The following STRBP variants were observed in gnomAD, a reference collection of about 807,000 sequenced individuals.
STRBP encodes spermatid perinuclear RNA-binding protein.
A neutral mutation model predicts 80.1 loss-of-function variants in STRBP; 13 were observed. The ratio of observed to expected loss-of-function variants is 0.16; its 90% CI spans 0.11 to 0.26. The LOEUF is 0.26. Among genes scored for constraint, STRBP ranks in the 10% least tolerant of loss-of-function variants. The pLI, the probability that STRBP is intolerant of heterozygous loss-of-function variation, is 1.00. For synonymous variants in STRBP, 284 were observed against 291.2 expected, an observed-to-expected ratio of 0.98 and a Z score of 0.25; for missense variants, 485 against 815.2, an observed-to-expected ratio of 0.59 and a Z score of 4.93.
At position 123,122,326 on chromosome 9, in the gene STRBP, C is replaced by T; in HGVS notation, c.*3271G>A. The T allele has an allele frequency of 1.6e-6, 2 of 1,288,590 alleles. No individual in the cohort carries two copies. The highest frequency in any genetic ancestry group is 2.0e-6 in the Non-Finnish European group (2 of 988,646). 79.8% of individuals were successfully genotyped at this position (1,288,590 alleles called of 1,614,324 possible). ...GCTGAAAACTGCTTAAAAGTATTAA[C>T]CTGAAATACACAGAGGGTCCAACAC... On this transcript the variant is annotated 3_prime_UTR_variant, in exon 19 of 19. Transcript: ENST00000348403.
rs540197215 is a variant in STRBP, at chr9:123,203,233, C to A, written c.-164-18935G>T. The stretch of plus-strand genomic sequence containing the variant: ...TGGTGGCGTGTGCCTTCAGTCCTAA[C>A]TACTTGGGAGGCTGAGGCAGGAGGA... On this transcript the variant is annotated intron_variant, in intron 2 of 18. Coordinates refer to ENST00000348403, the MANE Select transcript of STRBP (RefSeq NM_018387.5). Among the ~76,000 whole-genome samples, 4 of 152,104 alleles carry A rather than the reference C, an allele frequency of 2.6e-5. No homozygotes were observed. In the East Asian group the frequency reaches 5.8e-4, roughly 22 times the overall value.
In STRBP at chr9:123,124,242, A is replaced by G. The variant is rs111375205; in HGVS notation, c.*1355T>C. The G allele has an allele frequency of 8.1e-6, 8 of 985,296 alleles. No individual in the cohort carries two copies. In the African/African-American group the frequency reaches 1.0e-4, roughly 13 times the overall value. 61.0% of individuals were successfully genotyped at this position (985,296 alleles called of 1,614,324 possible). A position where few individuals can be genotyped will look rare whatever the true frequency, so the allele number is the denominator to read the frequency against. On this transcript the variant is annotated 3_prime_UTR_variant, in exon 19 of 19. Coordinates refer to ENST00000348403, the MANE Select transcript of STRBP (RefSeq NM_018387.5). ...AAATGAAAGCTAATTCATACTAAAA[A>G]CAGACATTTTTAAGACATGGTGCCT... is the stretch of plus-strand genomic sequence containing the variant.
intron 2 of STRBP, among the ~76,000 whole-genome samples, chr9:123,189,117 T>C (rs2038818764): frequency 6.6e-6 from 1 of 152,052 alleles, no homozygotes; most frequent in Non-Finnish European, 1.5e-5. Flanking sequence ...CACCATGGAA[T>C]ACTATGCAGC....
intron 1 of STRBP, among the ~76,000 whole-genome samples, chr9:123,239,384 A>C (rs771262196): frequency 6.6e-6 from 1 of 152,082 alleles, no homozygotes; most frequent in Non-Finnish European, 1.5e-5. Context: ...CAAAAACAAA[A>C]AAAAAAATGG....
Position 123,159,118 on chromosome 9 carries a change from C to G in STRBP, c.813G>C (p.Leu271Phe). The G allele has an allele frequency of 6.2e-7, 1 of 1,613,422 alleles. No individual in the cohort carries two copies. Among genetic ancestry groups the G allele is most frequent in the South Asian group, 1.1e-5 (1 of 91,058 alleles). Reference protein sequence around the residue: ...GEALRRVMECLASGILLPGGP... With the variant: ...GEALRRVMECFASGILLPGGP... ...TACCAGGAAGTAGTATTCCAGATGCCAAACACTCCATTACTCGTCTCAAGG... is the reference window on the plus strand; with the variant it reads ...TACCAGGAAGTAGTATTCCAGATGCGAAACACTCCATTACTCGTCTCAAGG... The change falls in exon 9 of 19, where the codon TTG becomes TTC. Residue 271 changes from leucine to phenylalanine, a missense_variant. This residue lies in a region of STRBP where 377 missense variants were observed against 616.1 expected (regional missense o/e 0.61). Coordinates refer to ENST00000348403, the MANE Select transcript of STRBP (RefSeq NM_018387.5).
chr9:123,122,301 G>T lies in STRBP; in HGVS notation c.*3296C>A. The T allele has an allele frequency of 7.8e-7, 1 of 1,283,626 alleles. No homozygotes were observed. The highest frequency in any genetic ancestry group is 1.2e-5 in the South Asian group (1 of 80,850). 79.5% of individuals were successfully genotyped at this position (1,283,626 alleles called of 1,614,324 possible). On this transcript the variant is annotated 3_prime_UTR_variant, in exon 19 of 19. Coordinates refer to ENST00000348403, the MANE Select transcript of STRBP (RefSeq NM_018387.5). ...AACGAGAATAAAGTGAGATAAACGT[G>T]CTGAAAACTGCTTAAAAGTATTAAC...
Position 123,115,414 on chromosome 9 carries a change from G to T in STRBP, c.*84+515C>A, listed in dbSNP as rs1361047380. Reference sequence around the variant, plus strand: ...GGAGGATCCCTAGCAGGGAGGGGGAGACCCACTGAAGCCTTTCTCCCTGCA... The same window carrying T: ...GGAGGATCCCTAGCAGGGAGGGGGATACCCACTGAAGCCTTTCTCCCTGCA... On this transcript the variant is annotated intron_variant and NMD_transcript_variant, in intron 3 of 3. Coordinates refer to the STRBP transcript ENST00000471564. The surrounding 1 kb of genome is among the most constrained non-coding windows in gnomAD (Gnocchi z 5.0). The T allele has an allele frequency of 4.2e-6, 2 of 470,658 alleles. No homozygotes were observed. Among genetic ancestry groups the T allele is most frequent in the African/African-American group, 4.0e-5 (2 of 50,068 alleles). 29.2% of individuals were successfully genotyped at this position (470,658 alleles called of 1,614,324 possible). A position where few individuals can be genotyped will look rare whatever the true frequency, so the allele number is the denominator to read the frequency against.
At chr9:123,227,567 C>CTTTTTTTTT (rs113678606) in intron 2 of STRBP, among the ~76,000 whole-genome samples, 1 of 113,450 alleles carries the variant, frequency 8.8e-6, no homozygotes, top group Non-Finnish European at 1.9e-5. Flanking sequence ...TTTTTTTTTT[C>CTTTTTTTTT]TTTTTTTTTT....
intron 17 of STRBP, 119 bp from the exon 18 acceptor site, chr9:123,128,377 A>AT: frequency 9.0e-7 from 1 of 1,106,232 alleles, no homozygotes; most frequent in Non-Finnish European, 1.4e-6. Flanking sequence ...CAGATGTTGG[A>AT]TGAATGAGAA....
At chr9:123,187,627 G>T (rs1460137010) in intron 2 of STRBP, among the ~76,000 whole-genome samples, 1 of 152,132 alleles carries the variant, frequency 6.6e-6, no homozygotes, top group Admixed American at 6.6e-5. Context: ...TATATATAAA[G>T]GAATGTGTGT....
chr9:123,226,793 A>C (rs934186820), intron 2 of STRBP, among the ~76,000 whole-genome samples: 1 of 152,130 alleles, frequency 6.6e-6, no homozygotes, highest in Non-Finnish European at 1.5e-5. Flanking sequence ...GAGGAAGAGC[A>C]ATGTATCACT....
At chr9:123,120,611 G>A (rs1272622044), downstream of STRBP, among the ~76,000 whole-genome samples, 4 of 151,812 alleles carry the variant, frequency 2.6e-5, no homozygotes, top group African/African-American at 9.7e-5. Flanking sequence ...GGAAATTATG[G>A]TGAATGACTG....
chr9:123,142,926 T>C (rs1304583289), intron 13 of STRBP, among the ~76,000 whole-genome samples: 1 of 152,126 alleles, frequency 6.6e-6, no homozygotes, highest in African/African-American at 2.4e-5. Context: ...AGATCACTCA[T>C]GGAAACAAGG....
chr9:123,117,813 G>A (rs537361049), downstream of STRBP, among the ~76,000 whole-genome samples: 15 of 152,318 alleles, frequency 9.8e-5, no homozygotes, highest in Admixed American at 5.9e-4. Flanking sequence ...ACATGCACTC[G>A]GAAAATATAA....
intron 2 of STRBP, among the ~76,000 whole-genome samples, chr9:123,202,451 C>T (rs1193713482): frequency 6.6e-6 from 1 of 152,148 alleles, no homozygotes; most frequent in Non-Finnish European, 1.5e-5. Context: ...CTTTATTTCT[C>T]CTTCATTTAC....
intron 2 of STRBP, among the ~76,000 whole-genome samples, chr9:123,223,632 C>G (rs1241544596): frequency 6.6e-6 from 1 of 151,702 alleles, no homozygotes; most frequent in East Asian, 1.9e-4. Flanking sequence ...ATTATGAGCT[C>G]AAAACATTAT....
chr9:123,184,865 T>C (rs898600634), intron 2 of STRBP, among the ~76,000 whole-genome samples: 11 of 152,208 alleles, frequency 7.2e-5, no homozygotes, highest in Admixed American at 4.6e-4. Context: ...TCCCTGGGCC[T>C]GTATGCACTG....
At chr9:123,147,924 G>T (rs912762314) in intron 11 of STRBP, 54 bp from the exon 12 acceptor site, 2 of 1,426,556 alleles carry the variant, frequency 1.4e-6, no homozygotes, top group African/African-American at 1.4e-5. Flanking sequence ...TCCCCTTACC[G>T]TACCATATGT....
Position 123,184,266 on chromosome 9 carries a change from C to A in STRBP, c.-132G>T. ...CCCTGACAGCTCAGCGTCAATATAGCAAATGTCTGAAGGCTTGTTCTCTGG... is the reference window on the plus strand; with the variant it reads ...CCCTGACAGCTCAGCGTCAATATAGAAAATGTCTGAAGGCTTGTTCTCTGG... On this transcript the variant is annotated 5_prime_UTR_variant, in exon 3 of 19. Transcript: ENST00000348403. 2.6e-6 allele frequency: 2 copies of A among 779,790 alleles called. No individual in the cohort carries two copies. The highest frequency in any genetic ancestry group is 2.8e-5 in the Admixed American group (1 of 35,346). 48.3% of individuals were successfully genotyped at this position (779,790 alleles called of 1,614,324 possible).
Sources: gnomAD v4.1 joint callset for allele counts (sites outside exome capture counted in the v4.1 genomes callset) on GRCh38, gnomAD v4.1.1 for gene constraint, gnomAD v4.1.1 regional missense constraint, Gnocchi (gnomAD v3.1) non-coding constraint, MANE v1.5 for transcripts, NCBI Gene and HGNC (gene_info 2026-07-23, HGNC 2026-07-21) for gene names.